Variants in SBF2 observed in about 807,000 individuals in gnomAD.
SBF2 encodes SET binding factor 2.
A neutral mutation model predicts 225.2 loss-of-function variants in SBF2; 112 were observed. The ratio of observed to expected loss-of-function variants is 0.50; its 90% CI spans 0.43 to 0.58. The LOEUF (loss-of-function observed/expected upper bound fraction) is 0.58. Among genes scored for constraint, SBF2 ranks in the 20% least tolerant of loss-of-function variants. SBF2 has a pLI of 0.00. For synonymous variants in SBF2, 763 were observed against 773.3 expected, an observed-to-expected ratio of 0.99 and a Z score of 0.22; for missense variants, 1,996 against 2,206.2, an observed-to-expected ratio of 0.90 and a Z score of 1.91.
chr11:10,075,650 G>C (rs1235759538), intron 2 of SBF2, among the ~76,000 whole-genome samples: 1 of 152,136 alleles, frequency 6.6e-6, no homozygotes, highest in Non-Finnish European at 1.5e-5. Context: ...AAACATGCTT[G>C]CTTCCTCTTT....
chr11:10,190,350 A>G (rs1957115548), intron 2 of SBF2, among the ~76,000 whole-genome samples: 1 of 152,216 alleles, frequency 6.6e-6, no homozygotes. Context: ...TATTTATATG[A>G]CTGTCTGTGG....
chr11:10,096,424 TAAAAAAA>T (rs563258126), intron 2 of SBF2, among the ~76,000 whole-genome samples: 1 of 126,082 alleles, frequency 7.9e-6, no homozygotes, highest in East Asian at 2.2e-4. Context: ...CAAAGTTCTG[TAAAAAAA>T]AAAAAAAAAA....
At position 9,797,972 on chromosome 11, in the gene SBF2, C is replaced by CTGAATGAATGAA. The variant is rs567677083; in HGVS notation, c.4444-2027_4444-2016dup. 2.0e-5 allele frequency among the ~76,000 whole-genome samples: 3 copies of CTGAATGAATGAA among 151,644 alleles called. No individual in the cohort carries two copies. In the South Asian group the frequency reaches 6.2e-4, roughly 32 times the overall value. On this transcript the variant is annotated intron_variant, in intron 32 of 39. Coordinates refer to ENST00000256190, the MANE Select transcript of SBF2 (RefSeq NM_030962.4). ...TGGGTGACAGAGTGAGACCCTGTCT[C>CTGAATGAATGAA]TGAATGAATGAATGAATGAATGAAT...
intron 1 of SBF2, among the ~76,000 whole-genome samples, chr11:10,216,035 C>T (rs1958118177): frequency 6.6e-6 from 1 of 152,174 alleles, no homozygotes; most frequent in African/African-American, 2.4e-5. Flanking sequence ...CTCCCATTAC[C>T]AGGTTAACAT....
chr11:10,040,440 C>A (rs951920322), intron 3 of SBF2, among the ~76,000 whole-genome samples: 2 of 151,672 alleles, frequency 1.3e-5, no homozygotes, highest in Admixed American at 1.3e-4. Flanking sequence ...TGAGAAGTTA[C>A]ATTATTTAAA....
At chr11:9,800,142 G>A (rs1309854347) in intron 32 of SBF2, among the ~76,000 whole-genome samples, 1 of 151,996 alleles carries the variant, frequency 6.6e-6, no homozygotes, top group African/African-American at 2.4e-5. Flanking sequence ...GGAGGCTGAG[G>A]CGAAAGGATT....
intron 16 of SBF2, among the ~76,000 whole-genome samples, chr11:9,926,163 T>C (rs2134241188): frequency 6.6e-6 from 1 of 152,344 alleles, no homozygotes; most frequent in East Asian, 1.9e-4. Context: ...TCCTTGTTTT[T>C]TTCCCTTTTC....
At chr11:10,157,380 G>A (rs190228695) in intron 2 of SBF2, among the ~76,000 whole-genome samples, 250 of 152,236 alleles carry the variant, frequency 1.6e-3, no homozygotes, top group African/African-American at 5.8e-3. Flanking sequence ...TGATGAAGAT[G>A]CCAAAAGCAA....
intron 16 of SBF2, among the ~76,000 whole-genome samples, chr11:9,934,698 A>G (rs1186210574): frequency 6.6e-6 from 1 of 152,222 alleles, no homozygotes; most frequent in African/African-American, 2.4e-5. Flanking sequence ...AGAACCAACA[A>G]CAAAAAGACA....
At chr11:9,805,971 T>C (rs1853820378) in intron 32 of SBF2, among the ~76,000 whole-genome samples, 1 of 152,332 alleles carries the variant, frequency 6.6e-6, no homozygotes, top group Middle Eastern at 3.4e-3. Flanking sequence ...TGAACAAGAC[T>C]TGTGGTCTTT....
intron 2 of SBF2, among the ~76,000 whole-genome samples, chr11:10,171,833 G>T (rs1005514646): frequency 1.3e-5 from 2 of 152,082 alleles, no homozygotes; most frequent in African/African-American, 4.8e-5. Flanking sequence ...CTTGTTATTG[G>T]TCTGTTCAGG....
At chr11:10,023,625 T>C (rs1428550749) in intron 6 of SBF2, among the ~76,000 whole-genome samples, 3 of 152,240 alleles carry the variant, frequency 2.0e-5, no homozygotes, top group African/African-American at 7.2e-5. Context: ...AATCATATAA[T>C]ATACGGTTTT....
chr11:9,985,083 G>T (rs963676797), intron 13 of SBF2, among the ~76,000 whole-genome samples: 4 of 152,140 alleles, frequency 2.6e-5, no homozygotes, highest in African/African-American at 9.7e-5. Flanking sequence ...CACGATGAAA[G>T]CAACAGTACC....
chr11:10,100,927 A>C (rs776254064), intron 2 of SBF2, among the ~76,000 whole-genome samples: 1 of 152,238 alleles, frequency 6.6e-6, no homozygotes, highest in Non-Finnish European at 1.5e-5. Context: ...TTCAGCAGAC[A>C]TCTAAATCAG....
chr11:10,062,735 T>C (rs1466878561), intron 2 of SBF2, among the ~76,000 whole-genome samples: 2 of 152,174 alleles, frequency 1.3e-5, no homozygotes, highest in Non-Finnish European at 2.9e-5. Flanking sequence ...TATACACTGT[T>C]GGTGGGAGTG....
At chr11:10,227,461 C>T (rs1477781527) in intron 1 of SBF2, among the ~76,000 whole-genome samples, 9 of 152,138 alleles carry the variant, frequency 5.9e-5, no homozygotes, top group East Asian at 3.9e-4. Context: ...TTAGGTCTAA[C>T]GTTTAAGTCT....
At chr11:10,134,671 G>A (rs1300150519) in intron 2 of SBF2, among the ~76,000 whole-genome samples, 2 of 152,226 alleles carry the variant, frequency 1.3e-5, no homozygotes, top group Non-Finnish European at 1.5e-5. Context: ...AAATCTTAAA[G>A]CTCCAAAATG....
intron 2 of SBF2, among the ~76,000 whole-genome samples, chr11:10,105,090 C>A (rs1952490570): frequency 6.6e-6 from 1 of 152,128 alleles, no homozygotes; most frequent in Non-Finnish European, 1.5e-5. Flanking sequence ...GAGAATAATG[C>A]TGGCCTTATA....
intron 1 of SBF2, among the ~76,000 whole-genome samples, chr11:10,212,221 C>A (rs114520010): frequency 1.1e-3 from 173 of 152,276 alleles, no homozygotes; most frequent in African/African-American, 4.1e-3. Flanking sequence ...CAAGATACAA[C>A]CACGGTACGA....
Sources: gnomAD v4.1 joint callset for allele counts (sites outside exome capture counted in the v4.1 genomes callset) on GRCh38, gnomAD v4.1.1 for gene constraint, MANE v1.5 for transcripts, NCBI Gene and HGNC (gene_info 2026-07-23, HGNC 2026-07-21) for gene names.